The following LRMDA variants were observed in gnomAD, a reference collection of about 807,000 sequenced individuals.
The protein encoded by LRMDA is leucine rich melanocyte differentiation associated.
In LRMDA, 18 loss-of-function variants were observed where a neutral mutation model predicts 29.8. The observed-to-expected ratio is 0.60, with a 90% CI of 0.42 to 0.90. The LOEUF (loss-of-function observed/expected upper bound fraction) is 0.90, where lower values mean the gene tolerates loss of function less well. Ranked by LOEUF, LRMDA falls within the 40% of genes least tolerant of loss-of-function variation. The probability of loss-of-function intolerance (pLI) is 0.00; values close to 1 mark genes in which losing one functional copy is unlikely to be tolerated. For missense variants in LRMDA, 273 were observed against 273.9 expected (o/e 1.00, Z 0.02); for synonymous variants, 125 against 109.4 (o/e 1.14, Z -0.89).
At chr10:75,712,511 TG>T (rs555568162) in intron 2 of LRMDA, among the ~76,000 whole-genome samples, 3 of 152,114 alleles carry the variant, frequency 2.0e-5, no homozygotes, top group African/African-American at 7.2e-5. Context: ...AGAGCCGGGA[TG>T]AAGTCAGCAC....
intron 6 of LRMDA, among the ~76,000 whole-genome samples, chr10:76,355,461 A>T (rs1377470482): frequency 6.6e-6 from 1 of 152,206 alleles, no homozygotes; most frequent in Non-Finnish European, 1.5e-5. Flanking sequence ...ATAAATATTT[A>T]TTGAGTACAT....
intron 2 of LRMDA, among the ~76,000 whole-genome samples, chr10:75,753,276 C>T (rs1045905582): frequency 2.0e-5 from 3 of 152,126 alleles, no homozygotes; most frequent in African/African-American, 7.2e-5. Context: ...TACCTAAGGG[C>T]AGTGGGGACC....
intron 5 of LRMDA, among the ~76,000 whole-genome samples, chr10:76,262,948 T>C (rs1839961567): frequency 6.6e-6 from 1 of 152,258 alleles, no homozygotes; most frequent in South Asian, 2.1e-4. Flanking sequence ...ACAGAATATA[T>C]ATGTTATGTG....
chr10:76,336,790 T>C (rs1840974540), intron 6 of LRMDA, among the ~76,000 whole-genome samples: 1 of 152,236 alleles, frequency 6.6e-6, no homozygotes. Flanking sequence ...TATCTTGCTA[T>C]ACCTCATCAG....
intron 6 of LRMDA, among the ~76,000 whole-genome samples, chr10:76,363,823 A>G (rs1158312040): frequency 1.3e-5 from 2 of 152,144 alleles, no homozygotes; most frequent in African/African-American, 4.8e-5. Flanking sequence ...CTTACAGTTA[A>G]TGTTCTGTTA....
intron 5 of LRMDA, among the ~76,000 whole-genome samples, chr10:76,128,546 G>A (rs1476409498): frequency 1.3e-5 from 2 of 152,182 alleles, no homozygotes; most frequent in Admixed American, 6.5e-5. Flanking sequence ...CAGTGAGTGA[G>A]GCCAGATGCC....
At chr10:75,644,736 G>A (rs1184494978) in intron 2 of LRMDA, among the ~76,000 whole-genome samples, 4 of 152,060 alleles carry the variant, frequency 2.6e-5, no homozygotes, top group Admixed American at 6.5e-5. Context: ...ACTGCATGCC[G>A]CCAACTGATT....
intron 5 of LRMDA, 141 bp from the exon 6 acceptor site, chr10:76,324,260 C>T: frequency 2.6e-6 from 2 of 765,406 alleles, no homozygotes; most frequent in Non-Finnish European, 4.5e-6. Context: ...TCAACAAAAA[C>T]AGCTCTTGCT....
intron 2 of LRMDA, among the ~76,000 whole-genome samples, chr10:75,506,109 A>C (rs1845165945): frequency 6.6e-6 from 1 of 152,204 alleles, no homozygotes; most frequent in Admixed American, 6.5e-5. Context: ...AGAACAAGCT[A>C]AAATAAACCT....
chr10:76,391,107 A>C (rs944960932), intron 6 of LRMDA, among the ~76,000 whole-genome samples: 3 of 152,210 alleles, frequency 2.0e-5, no homozygotes, highest in Admixed American at 6.5e-5. Flanking sequence ...ACCTCTAACC[A>C]ATATTCCAAA....
At chr10:75,538,496 C>T (rs907444803) in intron 2 of LRMDA, among the ~76,000 whole-genome samples, 1 of 152,314 alleles carries the variant, frequency 6.6e-6, no homozygotes, top group Non-Finnish European at 1.5e-5. Flanking sequence ...ATGTAATCTT[C>T]ACCCGTAGAC....
At chr10:76,117,453 G>C (rs189734547) in intron 5 of LRMDA, among the ~76,000 whole-genome samples, 1 of 152,302 alleles carries the variant, frequency 6.6e-6, no homozygotes, top group African/African-American at 2.4e-5. Flanking sequence ...CCAGAGTAGA[G>C]TCCCCATGAT....
At chr10:75,607,911 T>C (rs1342828931) in intron 2 of LRMDA, among the ~76,000 whole-genome samples, 2 of 143,674 alleles carry the variant, frequency 1.4e-5, no homozygotes, top group African/African-American at 5.2e-5. Flanking sequence ...TATCCAAACA[T>C]GAAGTGGTTG....
chr10:75,648,634 C>T (rs111826185), intron 2 of LRMDA, among the ~76,000 whole-genome samples: 2,190 of 152,256 alleles, frequency 0.014, 28 homozygotes, highest in South Asian at 0.028. Flanking sequence ...CTGTGCAAAA[C>T]ATCTAGAGCA....
intron 5 of LRMDA, among the ~76,000 whole-genome samples, chr10:76,238,472 C>CG (rs1320422002): frequency 1.3e-5 from 2 of 150,626 alleles, no homozygotes; most frequent in African/African-American, 4.9e-5. Context: ...GAATAAGGAC[C>CG]CCCCCGCCCT....
intron 6 of LRMDA, among the ~76,000 whole-genome samples, chr10:76,476,778 A>G (rs905768515): frequency 6.6e-6 from 1 of 152,224 alleles, no homozygotes; most frequent in African/African-American, 2.4e-5. Flanking sequence ...TCCAGCATAT[A>G]AACAGAACCA....
At chr10:76,473,406 C>A (rs115059499) in intron 6 of LRMDA, among the ~76,000 whole-genome samples, 5 of 151,474 alleles carry the variant, frequency 3.3e-5, no homozygotes, top group Admixed American at 3.3e-4. Flanking sequence ...TGGTTACCAT[C>A]GTACTTAATG....
intron 6 of LRMDA, among the ~76,000 whole-genome samples, chr10:76,357,401 T>A (rs2132439660): frequency 6.6e-6 from 1 of 152,310 alleles, no homozygotes; most frequent in Admixed American, 6.5e-5. Flanking sequence ...ATCCAGTTTT[T>A]ACTCACCAAA....
At chr10:75,844,769 G>T (rs1844604727) in intron 2 of LRMDA, among the ~76,000 whole-genome samples, 2 of 152,204 alleles carry the variant, frequency 1.3e-5, no homozygotes, top group South Asian at 4.1e-4. Context: ...AGCACCTGTT[G>T]TCAATGCATT....
Sources: allele counts gnomAD v4.1 joint callset (sites outside exome capture counted in the v4.1 genomes callset), GRCh38; gene constraint gnomAD v4.1.1; transcripts MANE v1.5; gene names NCBI Gene and HGNC (gene_info 2026-07-23, HGNC 2026-07-21).